The following SULT1E1 variants were observed in gnomAD, a reference collection of about 807,000 sequenced individuals.
The protein encoded by SULT1E1 is sulfotransferase family 1E member 1.
SULT1E1 carries 36 observed loss-of-function variants against 33.6 expected under a neutral mutation model. The observed-to-expected ratio is 1.07, with a 90% CI of 0.82 to 1.41. The LOEUF (loss-of-function observed/expected upper bound fraction) is 1.41, where lower values mean the gene tolerates loss of function less well. Ranked by LOEUF, SULT1E1 falls within the 40% of genes most tolerant of loss-of-function variation. The pLI, the probability that SULT1E1 is intolerant of heterozygous loss-of-function variation, is 0.00. For missense variants in SULT1E1, 371 were observed against 345.7 expected (o/e 1.07, Z -0.58); for synonymous variants, 121 against 111.7 (o/e 1.08, Z -0.53).
chr4:69,858,875 C>T (rs1289842897), intron 1 of SULT1E1, among the ~76,000 whole-genome samples: 2 of 152,118 alleles, frequency 1.3e-5, no homozygotes, highest in Non-Finnish European at 2.9e-5. Flanking sequence ...TCTTGGTGTT[C>T]AGCCAAGTTT....
chr4:69,846,765 T>C (rs1335699576), intron 6 of SULT1E1, among the ~76,000 whole-genome samples: 3 of 151,764 alleles, frequency 2.0e-5, no homozygotes, highest in Admixed American at 6.6e-5. Flanking sequence ...CACATTCTAA[T>C]ATTTGTTATT....
chr4:69,858,640 C>T (rs1488899266), intron 1 of SULT1E1, among the ~76,000 whole-genome samples: 1 of 151,804 alleles, frequency 6.6e-6, no homozygotes, highest in African/African-American at 2.4e-5. Flanking sequence ...GCCCTTAGGA[C>T]AATCTCAACT....
At chr4:69,830,028 G>T in the SULT1E1 span, among the ~76,000 whole-genome samples, 1 of 152,180 alleles carries the variant, frequency 6.6e-6, no homozygotes, top group Non-Finnish European at 1.5e-5. Context: ...CGATGGCCCA[G>T]ACCATTCTCC....
chr4:69,847,014 T>G (rs1720990393), intron 6 of SULT1E1, among the ~76,000 whole-genome samples: 2 of 151,746 alleles, frequency 1.3e-5, no homozygotes, highest in Admixed American at 6.6e-5. Flanking sequence ...AACATTTTTA[T>G]TTTTTAAATG....
At chr4:69,835,127 T>G in the SULT1E1 span, among the ~76,000 whole-genome samples, 12 of 152,206 alleles carry the variant, frequency 7.9e-5, no homozygotes, top group Non-Finnish European at 1.6e-4. Context: ...TTCACACATA[T>G]TTTTCCCTCT....
chr4:69,828,012 G>T, the SULT1E1 span, among the ~76,000 whole-genome samples: 2 of 152,190 alleles, frequency 1.3e-5, no homozygotes, highest in African/African-American at 4.8e-5. Context: ...GGTTCTTTAG[G>T]CCAGAAGCCC....
rs1721189492 is a variant in SULT1E1 at position 69,854,329 on chromosome 4, AG to A, written c.272-16del. 2.3e-5 allele frequency: 36 copies of A among 1,580,272 alleles called. No individual in the cohort carries two copies. The highest frequency in any genetic ancestry group is 3.1e-5 in the Non-Finnish European group (36 of 1,155,352). ...TTGTTTTACTCCTGATTTTTAAAAA[AG>A]TAAAGGTTAAGCAACTTCAAAAATT... On this transcript the variant is annotated splice_polypyrimidine_tract_variant and intron_variant, in intron 3 of 7. Transcript: ENST00000226444.
At chr4:69,850,184 A>G (rs1721073131) in intron 4 of SULT1E1, among the ~76,000 whole-genome samples, 1 of 152,082 alleles carries the variant, frequency 6.6e-6, no homozygotes, top group South Asian at 2.1e-4. Context: ...TTTAGTTTCT[A>G]GTTTTGGCAG....
At chr4:69,823,836 G>C in the SULT1E1 span, among the ~76,000 whole-genome samples, 22 of 152,030 alleles carry the variant, frequency 1.4e-4, no homozygotes, top group Non-Finnish European at 2.9e-5. Context: ...TGAGTCCAAA[G>C]TCACTACTGC....
At chr4:69,850,598 T>C (rs1183816687) in intron 4 of SULT1E1, among the ~76,000 whole-genome samples, 7 of 152,248 alleles carry the variant, frequency 4.6e-5, no homozygotes, top group African/African-American at 1.7e-4. Context: ...TATTGAACTT[T>C]TCCAATCTTA....
At chr4:69,847,034 A>G (rs1720990834) in intron 6 of SULT1E1, among the ~76,000 whole-genome samples, 1 of 151,742 alleles carries the variant, frequency 6.6e-6, no homozygotes, top group South Asian at 2.1e-4. Flanking sequence ...GCTAATACTT[A>G]GTAAGAACCA....
Position 69,857,513 on chromosome 4 carries a change from G to A in SULT1E1, c.132C>T (p.Thr44=). The A allele has an allele frequency of 6.2e-7, 1 of 1,600,732 alleles. No individual in the cohort carries two copies. The highest frequency in any genetic ancestry group is 8.5e-7 in the Non-Finnish European group (1 of 1,176,534). The change falls in exon 2 of 8, where the codon ACC becomes ACT. Residue 44 remains threonine (T), a synonymous_variant. Coordinates refer to ENST00000226444, the MANE Select transcript of SULT1E1 (RefSeq NM_005420.3). ...QARPDDLVIA[T]YPKSGTTWVS... is the part of the protein sequence containing the mutation. The stretch of plus-strand genomic sequence containing the variant: ...AAAGAGATTTACCAGATTTAGGGTA[G>A]GTGGCAATGACAAGATCATCTGGTC...
chr4:69,838,211 T>G (rs185784123), downstream of SULT1E1, among the ~76,000 whole-genome samples: 2 of 152,252 alleles, frequency 1.3e-5, no homozygotes, highest in East Asian at 3.9e-4. Context: ...GTTATTAATC[T>G]TTTTTTGAGA....
At chr4:69,855,480 A>G (rs1256606657) in intron 2 of SULT1E1, 54 bp from the exon 3 acceptor site, 1 of 1,537,824 alleles carries the variant, frequency 6.5e-7, no homozygotes, top group African/African-American at 1.4e-5. Flanking sequence ...AGTTGATGAC[A>G]TTAGTGCTGC....
intron 4 of SULT1E1, 28 bp from the exon 5 acceptor site, chr4:69,849,591 C>T (rs1452018475): frequency 4.6e-6 from 7 of 1,535,640 alleles, no homozygotes; most frequent in Non-Finnish European, 4.4e-6. Context: ...TATATTAAAC[C>T]ACTTAACATT....
rs1046366716 is a variant in SULT1E1, at chr4:69,841,912, C to G, written c.*82G>C. On this transcript the variant is annotated 3_prime_UTR_variant, in exon 8 of 8. Coordinates refer to ENST00000226444, the MANE Select transcript of SULT1E1 (RefSeq NM_005420.3). ...AACATAATCCATGATTATGTCTTTT[C>G]TAGCAATCTAAAATAAGAAAAAGTG... The G allele has an allele frequency of 6.7e-5, 47 of 706,124 alleles. No individual in the cohort carries two copies. In the Middle Eastern group the frequency reaches 2.2e-3, roughly 33 times the overall value. 43.7% of individuals were successfully genotyped at this position (706,124 alleles called of 1,614,324 possible).
At chr4:69,855,508 G>A in intron 2 of SULT1E1, 82 bp from the exon 3 acceptor site, 1 of 1,448,248 alleles carries the variant, frequency 6.9e-7, no homozygotes, top group South Asian at 1.5e-5. Flanking sequence ...GATGGAAAAA[G>A]TTGGAAGGTA....
At chr4:69,842,692 T>G (rs1003762399) in intron 7 of SULT1E1, among the ~76,000 whole-genome samples, 11 of 152,216 alleles carry the variant, frequency 7.2e-5, no homozygotes, top group African/African-American at 2.7e-4. Context: ...GCTTTCTTTA[T>G]ATCTACTGCC....
At chr4:69,832,254 G>A in the SULT1E1 span, among the ~76,000 whole-genome samples, 1 of 152,190 alleles carries the variant, frequency 6.6e-6, no homozygotes, top group Non-Finnish European at 1.5e-5. Flanking sequence ...TCCCCTTCAG[G>A]TTGAGGTTCT....
Sources: allele counts gnomAD v4.1 joint callset (sites outside exome capture counted in the v4.1 genomes callset), GRCh38; gene constraint gnomAD v4.1.1; transcripts MANE v1.5; gene names NCBI Gene and HGNC (gene_info 2026-07-23, HGNC 2026-07-21).